Variants in ARL15 observed in about 807,000 individuals in gnomAD.
The protein encoded by ARL15 is ARF like GTPase 15, also known as ADP-ribosylation factor-like protein 15.
In ARL15, 19 loss-of-function variants were observed where a neutral mutation model predicts 25.2. That is an observed-to-expected ratio of 0.75 (90% confidence interval 0.53 to 1.10). The LOEUF is 1.10. Among genes scored for constraint, ARL15 ranks in the 50% least tolerant of loss-of-function variants. The probability of loss-of-function intolerance (pLI) is 0.00; values close to 1 mark genes in which losing one functional copy is unlikely to be tolerated. For missense variants in ARL15, 220 were observed against 246.0 expected, an observed-to-expected ratio of 0.89 and a Z score of 0.71; for synonymous variants, 94 against 86.8, an observed-to-expected ratio of 1.08 and a Z score of -0.46.
intron 4 of ARL15, among the ~76,000 whole-genome samples, chr5:54,073,619 T>A (rs1751489346): frequency 6.6e-6 from 1 of 152,210 alleles, no homozygotes; most frequent in Non-Finnish European, 1.5e-5. Context: ...TAGTGGTGTC[T>A]CCTTATAAAA....
intron 4 of ARL15, among the ~76,000 whole-genome samples, chr5:54,078,729 A>G (rs1751693113): frequency 6.6e-6 from 1 of 152,204 alleles, no homozygotes. Flanking sequence ...ATTCTCAACT[A>G]CCAAAAACAT....
In ARL15 at chr5:54,154,616, A is replaced by G. The variant is rs756183702; in HGVS notation, c.217T>C (p.Phe73Leu). The G allele has an allele frequency of 4.6e-6, 7 of 1,529,412 alleles. No homozygotes were observed. The African/African-American group carries it at 9.8e-5, about 21-fold the overall frequency. 94.7% of individuals were successfully genotyped at this position (1,529,412 alleles called of 1,614,324 possible). The change falls in exon 3 of 5, where the codon TTC (phenylalanine) becomes CTC (leucine). Residue 73 changes from phenylalanine (F) to leucine (L), a missense_variant. By Grantham distance (22) the Phe-to-Leu change is conservative. Coordinates refer to ENST00000504924, the MANE Select transcript of ARL15 (RefSeq NM_019087.3). Reference protein sequence around the residue: ...TTGFSIKAVPFQNAILNVKEL... With the variant: ...TTGFSIKAVPLQNAILNVKEL... ...TTTACATTCAAGATGGCATTCTGGA[A>G]TGGCACTGCTTTAATACTAAAACCT...
intron 4 of ARL15, among the ~76,000 whole-genome samples, chr5:53,923,984 G>A (rs1371522797): frequency 2.0e-5 from 3 of 152,320 alleles, no homozygotes; most frequent in East Asian, 1.9e-4. Flanking sequence ...TTGAAAAACC[G>A]CTGAAGGAAA....
At chr5:54,122,302 T>G (rs1454847198) in intron 3 of ARL15, among the ~76,000 whole-genome samples, 1 of 152,232 alleles carries the variant, frequency 6.6e-6, no homozygotes. Flanking sequence ...GTTCTTTCAG[T>G]ACAGGTGTCT....
chr5:54,174,029 C>T (rs188003625), intron 1 of ARL15, among the ~76,000 whole-genome samples: 43 of 152,294 alleles, frequency 2.8e-4, no homozygotes, highest in African/African-American at 1.0e-3. Context: ...TAGCAATTCA[C>T]GTCCAGCTCT....
At chr5:54,125,908 A>G (rs940608758) in intron 3 of ARL15, among the ~76,000 whole-genome samples, 3 of 152,218 alleles carry the variant, frequency 2.0e-5, no homozygotes, top group South Asian at 2.1e-4. Flanking sequence ...CTGGCGACTC[A>G]TGATTCCCCC....
chr5:54,069,915 T>TC (rs1751367513), intron 4 of ARL15, among the ~76,000 whole-genome samples: 1 of 151,380 alleles, frequency 6.6e-6, no homozygotes, highest in Non-Finnish European at 1.5e-5. Context: ...CCTCAAGAGA[T>TC]CCACCCACCT....
At chr5:54,232,707 G>C (rs569306935) in intron 1 of ARL15, among the ~76,000 whole-genome samples, 3 of 152,074 alleles carry the variant, frequency 2.0e-5, no homozygotes, top group Non-Finnish European at 2.9e-5. Flanking sequence ...GGACCTCTCC[G>C]GTCTGCTCTG....
At chr5:54,017,141 T>C (rs1749450750) in intron 4 of ARL15, among the ~76,000 whole-genome samples, 1 of 152,178 alleles carries the variant, frequency 6.6e-6, no homozygotes, top group East Asian at 1.9e-4. Context: ...ACAATGAGGA[T>C]AATAGTGTGT....
At chr5:54,177,553 A>G (rs1205753693) in intron 1 of ARL15, among the ~76,000 whole-genome samples, 1 of 152,242 alleles carries the variant, frequency 6.6e-6, no homozygotes, top group Admixed American at 6.5e-5. Flanking sequence ...TGTTTGGAAC[A>G]GAAATAAGGT....
intron 4 of ARL15, chr5:53,951,635 C>G (rs904560523): frequency 2.3e-6 from 1 of 433,238 alleles, no homozygotes; most frequent in Admixed American, 3.3e-5. Context: ...TCCCTATATA[C>G]TCCTTCCCTA....
chr5:54,109,895 A>T (rs2112207217), intron 4 of ARL15, among the ~76,000 whole-genome samples: 1 of 152,092 alleles, frequency 6.6e-6, no homozygotes, highest in South Asian at 2.1e-4. Context: ...TTCAGACAGT[A>T]TGTAAAGGGT....
intron 4 of ARL15, among the ~76,000 whole-genome samples, chr5:53,959,536 GGTAACTGTGGGAGAGA>G (rs1747292935): frequency 6.6e-6 from 1 of 152,182 alleles, no homozygotes. Context: ...GATATGCTAA[GGTAACTGTGGGAGAGA>G]GTAACCTGGA....
At chr5:54,058,240 AG>A (rs1403272365) in intron 4 of ARL15, among the ~76,000 whole-genome samples, 2 of 152,064 alleles carry the variant, frequency 1.3e-5, no homozygotes, top group Non-Finnish European at 2.9e-5. Flanking sequence ...TCCTGACCTC[AG>A]GTGATCTGCC....
In ARL15 at chr5:54,242,471, C is replaced by T. The variant is rs964701196; in HGVS notation, c.48+67961G>A. 2.0e-5 allele frequency among the ~76,000 whole-genome samples: 3 copies of T among 152,308 alleles called. No homozygotes were observed. The South Asian group carries it at 6.2e-4, about 32-fold the overall frequency. On this transcript the variant is annotated intron_variant, in intron 1 of 4. Transcript: ENST00000504924. ...AGGCCTGGCCAATCATAGTCTCATA[C>T]ACCCTCCTGGTCACAGGGTCTGTTC...
intron 3 of ARL15, among the ~76,000 whole-genome samples, chr5:54,145,424 G>A (rs960973331): frequency 6.6e-6 from 1 of 152,176 alleles, no homozygotes; most frequent in Admixed American, 6.5e-5. Flanking sequence ...AGCTTTGAAC[G>A]TGTCAGAGAA....
chr5:54,155,428 A>G (rs1754197444), intron 2 of ARL15, among the ~76,000 whole-genome samples: 1 of 152,208 alleles, frequency 6.6e-6, no homozygotes, highest in Non-Finnish European at 1.5e-5. Context: ...TTAGAATTAC[A>G]TAGTATTTAT....
chr5:54,046,429 C>T (rs1393097015), intron 4 of ARL15, among the ~76,000 whole-genome samples: 7 of 151,974 alleles, frequency 4.6e-5, no homozygotes, highest in Non-Finnish European at 7.4e-5. Flanking sequence ...TGCAGTGAGC[C>T]GAGATCATGC....
chr5:53,937,972 C>T (rs1218582296), intron 4 of ARL15, among the ~76,000 whole-genome samples: 7 of 152,078 alleles, frequency 4.6e-5, no homozygotes, highest in South Asian at 4.1e-4. Context: ...TTCATGTCAA[C>T]GTCATATCTG....
Sources: gnomAD v4.1 joint callset for allele counts (sites outside exome capture counted in the v4.1 genomes callset) on GRCh38, gnomAD v4.1.1 for gene constraint, MANE v1.5 for transcripts, NCBI Gene and HGNC (gene_info 2026-07-23, HGNC 2026-07-21) for gene names.